The following SPATA9 variants were observed in gnomAD, a reference collection of about 807,000 sequenced individuals.
SPATA9 encodes spermatogenesis-associated protein 9.
Under a neutral mutation model 25.5 loss-of-function variants are expected in SPATA9, and 27 were observed. The ratio of observed to expected loss-of-function variants is 1.06; its 90% CI spans 0.78 to 1.46. The LOEUF is 1.46. Among genes scored for constraint, SPATA9 ranks in the 40% most tolerant of loss-of-function variants. The pLI, the probability that SPATA9 is intolerant of heterozygous loss-of-function variation, is 0.00. For missense variants in SPATA9, 282 were observed against 297.5 expected (o/e 0.95, Z 0.38); for synonymous variants, 102 against 105.7 (o/e 0.97, Z 0.21).
chr5:95,680,797 G>A (rs1753383862), intron 2 of SPATA9, among the ~76,000 whole-genome samples: 1 of 152,036 alleles, frequency 6.6e-6, no homozygotes, highest in Admixed American at 6.6e-5. Context: ...TCAACTCCAA[G>A]GCTTGGACAG....
chr5:95,727,555 G>A, the SPATA9 span, among the ~76,000 whole-genome samples: 1 of 152,152 alleles, frequency 6.6e-6, no homozygotes, highest in Non-Finnish European at 1.5e-5. Flanking sequence ...AAAAAATATT[G>A]TTTGGGTTGG....
At chr5:95,676,135 A>G (rs1752931048) in intron 2 of SPATA9, among the ~76,000 whole-genome samples, 1 of 152,078 alleles carries the variant, frequency 6.6e-6, no homozygotes, top group South Asian at 2.1e-4. Flanking sequence ...AAATCTTTAT[A>G]TATGTATATT....
chr5:95,706,841 T>C, the SPATA9 span, among the ~76,000 whole-genome samples: 8 of 152,112 alleles, frequency 5.3e-5, no homozygotes, highest in African/African-American at 1.9e-4. Context: ...CATTTGCATA[T>C]ATATATATAA....
chr5:95,660,143 C>T (rs1394112794), intron 4 of SPATA9, among the ~76,000 whole-genome samples: 1 of 152,078 alleles, frequency 6.6e-6, no homozygotes, highest in Non-Finnish European at 1.5e-5. Context: ...AGTGGGAAAT[C>T]CGAGATCAAG....
the SPATA9 span, among the ~76,000 whole-genome samples, chr5:95,725,836 AAACAACT>A: frequency 5.3e-5 from 8 of 151,976 alleles, no homozygotes; most frequent in African/African-American, 1.7e-4. Context: ...TGTTTAGTCA[AAACAACT>A]AATCCATCAG....
At chr5:95,714,270 A>G in the SPATA9 span, among the ~76,000 whole-genome samples, 1 of 152,148 alleles carries the variant, frequency 6.6e-6, no homozygotes, top group Non-Finnish European at 1.5e-5. Flanking sequence ...GAAATCTGAG[A>G]GTCATCAATG....
At chr5:95,711,410 C>T in the SPATA9 span, among the ~76,000 whole-genome samples, 1 of 152,086 alleles carries the variant, frequency 6.6e-6, no homozygotes, top group Non-Finnish European at 1.5e-5. Flanking sequence ...AAGCCTGGGG[C>T]TTTTCAGAGA....
upstream of SPATA9, chr5:95,701,272 C>A (rs921322512): frequency 4.6e-5 from 7 of 152,136 alleles, no homozygotes; most frequent in Non-Finnish European, 1.0e-4. Flanking sequence ...CCCAGTGGGA[C>A]ACAATTAATC....
the SPATA9 span, among the ~76,000 whole-genome samples, chr5:95,716,465 C>T: frequency 6.6e-6 from 1 of 152,218 alleles, no homozygotes; most frequent in Non-Finnish European, 1.5e-5. Flanking sequence ...TCATTTTGGC[C>T]AATTTCTCCC....
chr5:95,723,712 A>G, the SPATA9 span, among the ~76,000 whole-genome samples: 3 of 152,240 alleles, frequency 2.0e-5, no homozygotes, highest in East Asian at 3.9e-4. Context: ...GCTTTTCCCT[A>G]TCTCTCCTTT....
the SPATA9 span, among the ~76,000 whole-genome samples, chr5:95,703,749 G>A: frequency 6.6e-6 from 1 of 151,854 alleles, no homozygotes; most frequent in Non-Finnish European, 1.5e-5. Context: ...ATGGGTGGTT[G>A]GATTATTTAT....
At chr5:95,704,109 G>C in the SPATA9 span, among the ~76,000 whole-genome samples, 39 of 152,106 alleles carry the variant, frequency 2.6e-4, 1 homozygote, top group Admixed American at 2.4e-3. Context: ...TGATGTAAGT[G>C]AAAAAAGAGT....
chr5:95,665,900 CAG>C (rs149007738), intron 3 of SPATA9, among the ~76,000 whole-genome samples: 3,293 of 152,216 alleles, frequency 0.022, 121 homozygotes, highest in African/African-American at 0.076. Context: ...ATCTGGGAGG[CAG>C]AGGTTGCAGT....
the SPATA9 span, chr5:95,731,475 G>C: frequency 1.6e-6 from 2 of 1,221,784 alleles, no homozygotes; most frequent in Non-Finnish European, 2.0e-6. Context: ...CTTATCCCCC[G>C]CCCGCTAGCC....
intron 3 of SPATA9, among the ~76,000 whole-genome samples, chr5:95,671,930 A>AC (rs1425921166): frequency 1.3e-5 from 2 of 150,956 alleles, no homozygotes; most frequent in African/African-American, 4.9e-5. Context: ...AGTAAAAAAA[A>AC]ACCAGAAATG....
Position 95,667,376 on chromosome 5 carries a change from C to T in SPATA9, c.379-3328G>A, listed in dbSNP as rs1332522021. Reference sequence around the variant, plus strand: ...GTTTTCTTTCTTCCTCCTTTCTCTTCGGGCCGTACTAACTCCTAGATGTAG... The same window carrying T: ...GTTTTCTTTCTTCCTCCTTTCTCTTTGGGCCGTACTAACTCCTAGATGTAG... On this transcript the variant is annotated intron_variant, in intron 3 of 4. Transcript: ENST00000274432. Among the ~76,000 whole-genome samples the T allele has an allele frequency of 5.9e-5, 9 of 152,150 alleles. No individual in the cohort carries two copies. In the East Asian group the frequency reaches 7.8e-4, roughly 13 times the overall value.
intron 2 of SPATA9, among the ~76,000 whole-genome samples, chr5:95,678,603 G>A (rs2521995): frequency 0.38 from 57,212 of 151,794 alleles, 10,946 homozygotes; most frequent in Non-Finnish European, 0.41. Flanking sequence ...GCGGGGGAGG[G>A]GAGGAAGATT....
chr5:95,656,144 T>C, downstream of SPATA9: 1 of 1,613,938 alleles, frequency 6.2e-7, no homozygotes, highest in South Asian at 1.1e-5. Context: ...ACCCTAAAGA[T>C]CCATCAGCAA....
intron 1 of SPATA9, 77 bp from the exon 2 acceptor site, chr5:95,682,693 G>A: frequency 1.3e-6 from 2 of 1,507,658 alleles, no homozygotes; most frequent in Non-Finnish European, 1.8e-6. Context: ...TGAAACACTT[G>A]ATCAAATTCC....
Sources: allele counts gnomAD v4.1 joint callset (sites outside exome capture counted in the v4.1 genomes callset), GRCh38; gene constraint gnomAD v4.1.1; transcripts MANE v1.5; gene names NCBI Gene and HGNC (gene_info 2026-07-23, HGNC 2026-07-21).